CEP89: variants seen among roughly 807,000 people sequenced by gnomAD.
CEP89 encodes the protein centrosomal protein of 89 kDa.
In CEP89, 95 loss-of-function variants were observed where a neutral mutation model predicts 97.6. The observed-to-expected ratio is 0.97, with a 90% CI of 0.82 to 1.15. The LOEUF is 1.15. Among genes scored for constraint, CEP89 ranks in the 50% most tolerant of loss-of-function variants. CEP89 has a pLI of 0.00. For missense variants in CEP89, 869 were observed against 947.7 expected, an observed-to-expected ratio of 0.92 and a Z score of 1.09; for synonymous variants, 354 against 349.1, an observed-to-expected ratio of 1.01 and a Z score of -0.16.
chr19:32,941,275 G>A (rs972062079), intron 5 of CEP89, among the ~76,000 whole-genome samples: 58 of 151,994 alleles, frequency 3.8e-4, no homozygotes, highest in African/African-American at 1.3e-3. Flanking sequence ...GGCTGAGGTG[G>A]ATGGATCACT....
chr19:32,879,103 G>C lies in CEP89; in HGVS notation c.*59C>G, dbSNP rs1427077692. The C allele has an allele frequency of 4.3e-6, 6 of 1,404,528 alleles. No individual in the cohort carries two copies. The highest frequency in any genetic ancestry group is 1.4e-5 in the African/African-American group (1 of 70,626). 87.0% of individuals were successfully genotyped at this position (1,404,528 alleles called of 1,614,324 possible). The stretch of plus-strand genomic sequence containing the variant: ...CACCATGGGCTGCCCTGCAGGGAAG[G>C]CCTGTGTGAGGCAGACCTTTCAGGC... On this transcript the variant is annotated 3_prime_UTR_variant, in exon 19 of 19. Coordinates refer to ENST00000305768, the MANE Select transcript of CEP89 (RefSeq NM_032816.5).
chr19:32,960,735 G>A (rs532948785), intron 2 of CEP89, among the ~76,000 whole-genome samples: 8 of 151,720 alleles, frequency 5.3e-5, no homozygotes, highest in Non-Finnish European at 1.0e-4. Context: ...GGTTGAACCC[G>A]GGAGGTGGAG....
At position 32,948,298 on chromosome 19, in the gene CEP89, G is replaced by C; in HGVS notation, c.563C>G (p.Ser188Cys). The C allele has an allele frequency of 1.2e-6, 2 of 1,610,702 alleles. No individual in the cohort carries two copies. The highest frequency in any genetic ancestry group is 1.7e-6 in the Non-Finnish European group (2 of 1,178,258). The change falls in exon 5 of 19, where the codon TCC becomes TGC. Residue 188 changes from serine to cysteine, a missense_variant. Transcript: ENST00000305768. ...NISHQDGFPG[S>C]PPAPQRTQQK... ...TTGTGTCCGCTGTGGTGCAGGAGGGGAGCCTGGAAACCCATCTTGATGAGA... is the reference window on the plus strand; with the variant it reads ...TTGTGTCCGCTGTGGTGCAGGAGGGCAGCCTGGAAACCCATCTTGATGAGA...
At chr19:32,955,781 T>TCG (rs1971033677) in intron 3 of CEP89, among the ~76,000 whole-genome samples, 4 of 152,182 alleles carry the variant, frequency 2.6e-5, no homozygotes, top group Non-Finnish European at 5.9e-5. Flanking sequence ...CAAAAAGTGC[T>TCG]GAGGTTACAG....
chr19:32,899,996 T>G lies in CEP89; in HGVS notation c.1736A>C (p.Lys579Thr). 2 of 1,614,092 alleles carry G rather than the reference T, an allele frequency of 1.2e-6. No individual in the cohort carries two copies. The highest frequency in any genetic ancestry group is 3.3e-5 in the Admixed American group (2 of 60,018). Residue 579 changes from lysine (K) to threonine (T), a missense_variant and splice_region_variant, in exon 16 of 19, where the codon AAA (lysine) becomes ACA (threonine). Transcript: ENST00000305768. ...ELERAQKINR[K>T]SQKKIEVLKK... is the part of the protein sequence containing the mutation. ...GAGGACCTCAATTTTCTTTTGAGAT[T>G]TCCTAGAGAGTTACCCCAAATGGTA...
intron 16 of CEP89, among the ~76,000 whole-genome samples, chr19:32,898,401 G>GTGGGGGGC (rs1555788789): frequency 6.6e-6 from 1 of 152,146 alleles, no homozygotes; most frequent in African/African-American, 2.4e-5. Flanking sequence ...GGGTGTGTTT[G>GTGGGGGGC]TGGGGGGCTG....
intron 3 of CEP89, among the ~76,000 whole-genome samples, chr19:32,956,842 T>C (rs1416351347): frequency 6.6e-6 from 1 of 152,210 alleles, no homozygotes; most frequent in Non-Finnish European, 1.5e-5. Flanking sequence ...TAAAAGCAAA[T>C]AGCAGTCATA....
chr19:32,971,806 C>T (rs926074903), intron 1 of CEP89, 30 bp downstream of exon 1: 1 of 1,583,768 alleles, frequency 6.3e-7, no homozygotes, highest in South Asian at 1.1e-5. Flanking sequence ...CCCACAGAGC[C>T]CCACGCGCGG....
rs148404543 is a variant in CEP89 at position 32,956,898 on chromosome 19, T to C, written c.305+3002A>G. On this transcript the variant is annotated intron_variant, in intron 3 of 18. Coordinates refer to ENST00000305768, the MANE Select transcript of CEP89 (RefSeq NM_032816.5). ...GACTGGATATTGGATTTCACAGTCT[T>C]ATTTGTGTGTCTATAGAGTATAGTC... Among the ~76,000 whole-genome samples, 428 of 152,332 alleles carry C rather than the reference T, an allele frequency of 2.8e-3. 3 individuals carry two copies. Among genetic ancestry groups the C allele is most frequent in the African/African-American group, 9.6e-3 (401 of 41,584 alleles).
chr19:32,958,023 G>T (rs866648496), intron 3 of CEP89, among the ~76,000 whole-genome samples: 1 of 126,602 alleles, frequency 7.9e-6, no homozygotes, highest in Non-Finnish European at 1.7e-5. Flanking sequence ...TCCCCCCCCC[G>T]CCAAAAAATA....
rs554878897 is a variant in CEP89 at position 32,935,602 on chromosome 19, T to C, written c.668-1933A>G. On this transcript the variant is annotated intron_variant, in intron 7 of 18. Coordinates refer to ENST00000305768, the MANE Select transcript of CEP89 (RefSeq NM_032816.5). ...GAATACAGCATTGAAAATGCTGAGA[T>C]TGAAAGGGTGCAAATAAAGTTAATC... Among the ~76,000 whole-genome samples the C allele has an allele frequency of 1.7e-3, 259 of 152,154 alleles. 2 individuals are homozygous for C. Among genetic ancestry groups the C allele is most frequent in the African/African-American group, 5.6e-3 (234 of 41,512 alleles).
At chr19:32,906,323 G>A (rs1969886982) in intron 14 of CEP89, among the ~76,000 whole-genome samples, 1 of 151,848 alleles carries the variant, frequency 6.6e-6, no homozygotes, top group African/African-American at 2.4e-5. Flanking sequence ...CCCCATACTA[G>A]TTTAAAAGTT....
At chr19:32,916,877 G>A (rs931503511) in intron 13 of CEP89, among the ~76,000 whole-genome samples, 10 of 152,096 alleles carry the variant, frequency 6.6e-5, no homozygotes, top group African/African-American at 1.4e-4. Context: ...GAGTGGTGGC[G>A]CGTGACTGTA....
At chr19:32,950,435 G>A (rs1403258162) in intron 4 of CEP89, among the ~76,000 whole-genome samples, 1 of 152,162 alleles carries the variant, frequency 6.6e-6, no homozygotes, top group African/African-American at 2.4e-5. Context: ...GCACATGCCT[G>A]TAATCCCAGC....
At position 32,877,737 on chromosome 19, in the gene CEP89, G is replaced by A. The variant is rs1483048922; in HGVS notation, c.*1425C>T. 6.6e-6 allele frequency: 1 copy of A among 151,928 alleles called. No homozygotes were observed. The highest frequency in any genetic ancestry group is 1.9e-4 in the East Asian group (1 of 5,172). 9.4% of individuals were successfully genotyped at this position (151,928 alleles called of 1,614,324 possible). On this transcript the variant is annotated 3_prime_UTR_variant, in exon 19 of 19. Transcript: ENST00000305768. ...GAAGCTAGACGTTTGAGACCAGCTT[G>A]GGCAACATAGCAAGACCCCATCTCT...
At chr19:32,937,542 A>T in intron 7 of CEP89, 89 bp downstream of exon 7, 1 of 1,119,486 alleles carries the variant, frequency 8.9e-7, no homozygotes, top group African/African-American at 1.6e-5. Context: ...CAAGAAAAAG[A>T]AAATGTAATC....
chr19:32,933,348 A>G, intron 8 of CEP89, 103 bp downstream of exon 8: 1 of 918,182 alleles, frequency 1.1e-6, no homozygotes, highest in Non-Finnish European at 1.7e-6. Context: ...ATATTACAAC[A>G]TAAATTACCA....
rs1568578652 is a variant in CEP89, at chr19:32,953,770, A to T, written c.337T>A (p.Ser113Thr). 3 of 1,613,856 alleles carry T rather than the reference A, an allele frequency of 1.9e-6. No individual in the cohort carries two copies. The highest frequency in any genetic ancestry group is 1.3e-5 in the African/African-American group (1 of 74,874). ...PNWQSEMGRR[S>T]SLPSFETLDY... ...AGTGTTTCAAAGGATGGCAAAGAAG[A>T]TCTTCTTCCCATCTCACTCTGCCAA... The change falls in exon 4 of 19, where the codon TCT becomes ACT. Residue 113 changes from serine to threonine, a missense_variant. Coordinates refer to ENST00000305768, the MANE Select transcript of CEP89 (RefSeq NM_032816.5).
chr19:32,966,337 G>A (rs1404861845), intron 2 of CEP89, 23 bp downstream of exon 2: 23 of 1,411,604 alleles, frequency 1.6e-5, no homozygotes, highest in Non-Finnish European at 2.2e-5. Flanking sequence ...GGTGACCTCA[G>A]TGCCTGCTCA....
Sources: allele counts gnomAD v4.1 joint callset (sites outside exome capture counted in the v4.1 genomes callset), GRCh38; gene constraint gnomAD v4.1.1; transcripts MANE v1.5; gene names NCBI Gene and HGNC (gene_info 2026-07-23, HGNC 2026-07-21).